ZDHHC18: variants seen among roughly 807,000 people sequenced by gnomAD.
ZDHHC18 encodes the protein zDHHC palmitoyltransferase 18, also known as palmitoyltransferase ZDHHC18.
A neutral mutation model predicts 37.5 loss-of-function variants in ZDHHC18; 23 were observed. That is an observed-to-expected ratio of 0.61 (90% CI 0.44 to 0.87). The LOEUF (loss-of-function observed/expected upper bound fraction) is 0.87. Ranked by LOEUF, ZDHHC18 falls within the 40% of genes least tolerant of loss-of-function variation. The pLI is 0.00. For synonymous variants in ZDHHC18, 185 were observed against 218.7 expected (o/e 0.85, Z 1.36); for missense variants, 406 against 525.6 (o/e 0.77, Z 2.22).
Position 26,856,330 on chromosome 1 carries a change from C to A in ZDHHC18, c.*2487C>A. Reference sequence around the variant, plus strand: ...CTCACACACCATCTCATCCTCATCGCATGCCTCGCCAACCCCATGGAGCCC... The same window carrying A: ...CTCACACACCATCTCATCCTCATCGAATGCCTCGCCAACCCCATGGAGCCC... On this transcript the variant is annotated 3_prime_UTR_variant, in exon 8 of 8. Transcript: ENST00000374142. The surrounding 1 kb of genome is among the most constrained non-coding windows in gnomAD (Gnocchi z 5.2). 2.5e-6 allele frequency: 1 copy of A among 396,244 alleles called. No homozygotes were observed. The allele number at this position is 396,244 out of a possible 1,614,324, so 24.5% of individuals were successfully genotyped here. A position where few individuals can be genotyped will look rare whatever the true frequency, so the allele number is the denominator to read the frequency against.
In ZDHHC18 at chr1:26,832,546, C is replaced by T. The variant is rs373758186; in HGVS notation, c.435C>T (p.Thr145=). Residue 145 remains threonine, a synonymous_variant, in exon 2 of 8, where the codon ACC becomes ACT. Coordinates refer to ENST00000374142, the MANE Select transcript of ZDHHC18 (RefSeq NM_032283.3). ...GCTGCCTGCTGCAGACAAGCTTCAC[C>T]GACCCTGGGATCCTGCCCCGGGCCA... ...VMSCLLQTSF[T]DPGILPRATV... 22 of 1,614,172 alleles carry T rather than the reference C, an allele frequency of 1.4e-5. No homozygotes were observed. The highest frequency in any genetic ancestry group is 6.6e-5 in the South Asian group (6 of 91,086).
Position 26,853,730 on chromosome 1 carries a change from A to T in ZDHHC18, c.1054A>T (p.Ile352Phe). The change falls in exon 8 of 8, where the codon ATT (isoleucine) becomes TTT (phenylalanine). Residue 352 changes from isoleucine to phenylalanine, a missense_variant. Ile to Phe is a conservative substitution (Grantham distance 21, BLOSUM62 0). Coordinates refer to ENST00000374142, the MANE Select transcript of ZDHHC18 (RefSeq NM_032283.3). ...GTCTCCCTTGTGTTTTGGAAGCCTA[A>T]TTGACCGGAGGGGATTTGTGCAGTC... ...VLCGPLPPSL[I>F]DRRGFVQSDT... 1 of 1,613,986 alleles carries T rather than the reference A, an allele frequency of 6.2e-7. No homozygotes were observed. The highest frequency in any genetic ancestry group is 8.5e-7 in the Non-Finnish European group (1 of 1,180,000).
rs947589519 is a variant in ZDHHC18, at chr1:26,827,239, G to C, written c.335+100G>C. The C allele has an allele frequency of 9.8e-6, 10 of 1,022,460 alleles. No homozygotes were observed. In the African/African-American group the frequency reaches 1.6e-4, roughly 16 times the overall value. 63.3% of individuals were successfully genotyped at this position (1,022,460 alleles called of 1,614,324 possible). On this transcript the variant is annotated intron_variant, in intron 1 of 7. Coordinates refer to ENST00000374142, the MANE Select transcript of ZDHHC18 (RefSeq NM_032283.3). Reference sequence around the variant, plus strand: ...TCCGTGCCTTCCCCTTCGCCTCCCTGGTCCTCATCCTCCCCGCCCCTTTGG... The same window carrying C: ...TCCGTGCCTTCCCCTTCGCCTCCCTCGTCCTCATCCTCCCCGCCCCTTTGG...
At position 26,850,524 on chromosome 1, in the gene ZDHHC18, C is replaced by A. The variant is rs752549119; in HGVS notation, c.785-34C>A. On this transcript the variant is annotated intron_variant, in intron 4 of 7. Coordinates refer to ENST00000374142, the MANE Select transcript of ZDHHC18 (RefSeq NM_032283.3). The surrounding 1 kb of genome is among the most constrained non-coding windows in gnomAD (Gnocchi z 6.1). Reference sequence around the variant, plus strand: ...GCAAGCTTCAGCAGTCACTGTCCCTCTGAGCTTGTCCTCTCCTGTTTCTTT... The same window carrying A: ...GCAAGCTTCAGCAGTCACTGTCCCTATGAGCTTGTCCTCTCCTGTTTCTTT... 17 of 1,614,092 alleles carry A rather than the reference C, an allele frequency of 1.1e-5. No individual in the cohort carries two copies. In the South Asian group the frequency reaches 1.8e-4, roughly 17 times the overall value.
At chr1:26,830,462 T>G (rs1462464819) in intron 1 of ZDHHC18, among the ~76,000 whole-genome samples, 1 of 151,574 alleles carries the variant, frequency 6.6e-6, no homozygotes, top group African/African-American at 2.4e-5. Flanking sequence ...ACCTGGCCCA[T>G]CCAGGTACAG....
Position 26,854,829 on chromosome 1 carries a change from ATGAG to A in ZDHHC18, c.*991_*994del, listed in dbSNP as rs1396367771. ...TATTCCAAGAGACCTTCTGGCTGGA[ATGAG>A]TGAGAGTGTGTGTGCATGTGTGTGT... On this transcript the variant is annotated 3_prime_UTR_variant, in exon 8 of 8. Coordinates refer to ENST00000374142, the MANE Select transcript of ZDHHC18 (RefSeq NM_032283.3). This position sits in a 1 kb window ranked among gnomAD's most constrained non-coding sequence, Gnocchi z 4.6. 1 of 152,460 alleles carries A rather than the reference ATGAG, an allele frequency of 6.6e-6. No individual in the cohort carries two copies. The highest frequency in any genetic ancestry group is 1.5e-5 in the Non-Finnish European group (1 of 68,170). The allele number at this position is 152,460 out of a possible 1,614,324, so 9.4% of individuals were successfully genotyped here. A position where few individuals can be genotyped will look rare whatever the true frequency, so the allele number is the denominator to read the frequency against.
Position 26,827,126 on chromosome 1 carries a change from T to C in ZDHHC18, c.322T>C (p.Phe108Leu). The C allele has an allele frequency of 1.4e-6, 2 of 1,411,146 alleles. No homozygotes were observed. Among genetic ancestry groups the C allele is most frequent in the Non-Finnish European group, 1.8e-6 (2 of 1,087,278 alleles). The allele number at this position is 1,411,146 out of a possible 1,614,324, so 87.4% of individuals were successfully genotyped here. A position where few individuals can be genotyped will look rare whatever the true frequency, so the allele number is the denominator to read the frequency against. The change falls in exon 1 of 8, where the codon TTC (phenylalanine) becomes CTC (leucine). Residue 108 changes from phenylalanine to leucine, a missense_variant. Physicochemically the swap from Phe to Leu is conservative, Grantham distance 22. Transcript: ENST00000374142. Reference protein sequence around the residue: ...LLLILTTTGLFFVFDCPYLAR... With the variant: ...LLLILTTTGLLFVFDCPYLAR... ...GCTCATCCTCACCACCACCGGCCTC[T>C]TCTTCGTCTTTGAGTGAGTTCCGCT...
chr1:26,841,763 G>A (rs540810000), intron 2 of ZDHHC18, among the ~76,000 whole-genome samples: 21 of 152,242 alleles, frequency 1.4e-4, no homozygotes, highest in African/African-American at 5.1e-4. Context: ...ACTGTGCTCA[G>A]GGCTGTGGAA....
Position 26,836,974 on chromosome 1 carries a change from C to T in ZDHHC18, c.496+4367C>T, listed in dbSNP as rs568229077. ...TAAATATATATTAAATGCAGCTGGGCGCAGTGGCTCATGCCTGTAATCCCA... is the reference window on the plus strand; with the variant it reads ...TAAATATATATTAAATGCAGCTGGGTGCAGTGGCTCATGCCTGTAATCCCA... On this transcript the variant is annotated intron_variant, in intron 2 of 7. Coordinates refer to ENST00000374142, the MANE Select transcript of ZDHHC18 (RefSeq NM_032283.3). Among the ~76,000 whole-genome samples the T allele has an allele frequency of 8.9e-4, 131 of 147,020 alleles. 1 individual carries two copies. In the Middle Eastern group the frequency reaches 0.011, roughly 12 times the overall value.
Position 26,856,102 on chromosome 1 carries a change from C to A in ZDHHC18, c.*2259C>A. On this transcript the variant is annotated 3_prime_UTR_variant, in exon 8 of 8. Transcript: ENST00000374142. This position sits in a 1 kb window ranked among gnomAD's most constrained non-coding sequence, Gnocchi z 5.2. ...ATTCCAGTTTGAGAGCCGGAGCTTC[C>A]CTGGCTACCACCTCCAACCTGGGCA... 2 of 415,472 alleles carry A rather than the reference C, an allele frequency of 4.8e-6. No homozygotes were observed. Among genetic ancestry groups the A allele is most frequent in the Non-Finnish European group, 1.0e-5 (2 of 195,194 alleles). The allele number at this position is 415,472 out of a possible 1,614,324, so 25.7% of individuals were successfully genotyped here. A position where few individuals can be genotyped will look rare whatever the true frequency, so the allele number is the denominator to read the frequency against.
intron 2 of ZDHHC18, among the ~76,000 whole-genome samples, chr1:26,846,981 C>T (rs572861463): frequency 1.5e-4 from 22 of 151,458 alleles, no homozygotes; most frequent in African/African-American, 4.8e-4. Context: ...CTGCAAGCTC[C>T]GCCTCCCGGG....
chr1:26,851,152 T>C lies in ZDHHC18; in HGVS notation c.857T>C (p.Phe286Ser), dbSNP rs781567756. 1.2e-6 allele frequency: 2 copies of C among 1,614,192 alleles called. No individual in the cohort carries two copies. The highest frequency in any genetic ancestry group is 1.7e-6 in the Non-Finnish European group (2 of 1,180,014). The change falls in exon 6 of 8, where the codon TTC (phenylalanine) becomes TCC (serine). Residue 286 changes from phenylalanine (F) to serine (S), a missense_variant. By Grantham distance (155) the Phe-to-Ser change is radical (BLOSUM62 -2). Transcript: ENST00000374142. ...ACCGTGCTGGAGTTGGTGATCTGCT[T>C]CTTCTCCATCTGGTCCATTCTGGGC... ...PASVLELVICFFSIWSILGLS... is the reference protein window; with the variant it reads ...PASVLELVICSFSIWSILGLS...
chr1:26,841,393 C>T (rs1005200057), intron 2 of ZDHHC18, among the ~76,000 whole-genome samples: 1 of 152,182 alleles, frequency 6.6e-6, no homozygotes, highest in African/African-American at 2.4e-5. Context: ...TTCAGCCTCC[C>T]AACGTGCTGG....
In ZDHHC18 at chr1:26,856,123, G is replaced by A. The variant is rs2081732779; in HGVS notation, c.*2280G>A. On this transcript the variant is annotated 3_prime_UTR_variant, in exon 8 of 8. Transcript: ENST00000374142. This position sits in a 1 kb window ranked among gnomAD's most constrained non-coding sequence, Gnocchi z 5.2. ...CTTCCCTGGCTACCACCTCCAACCT[G>A]GGCACCAGGGCCCAGCCAGACAACT... 2.3e-6 allele frequency: 1 copy of A among 428,424 alleles called. No individual in the cohort carries two copies. Among genetic ancestry groups the A allele is most frequent in the Admixed American group, 2.4e-5 (1 of 42,034 alleles). The allele number at this position is 428,424 out of a possible 1,614,324, so 26.5% of individuals were successfully genotyped here. A position where few individuals can be genotyped will look rare whatever the true frequency, so the allele number is the denominator to read the frequency against.
At chr1:26,839,358 TTTC>T (rs2081627471) in intron 2 of ZDHHC18, among the ~76,000 whole-genome samples, 1 of 152,368 alleles carries the variant, frequency 6.6e-6, no homozygotes, top group South Asian at 2.1e-4. Context: ...CACTCCCTTC[TTTC>T]TTCTTTTCTA....
Position 26,848,631 on chromosome 1 carries a change from C to T in ZDHHC18, c.520C>T (p.Arg174Trp), listed in dbSNP as rs765667318. 8 of 1,613,554 alleles carry T rather than the reference C, an allele frequency of 5.0e-6. No individual in the cohort carries two copies. The highest frequency in any genetic ancestry group is 1.7e-4 in the Middle Eastern group (1 of 6,056). Reference sequence around the variant, plus strand: ...AGACAACACAGGCAGTTCTACATACCGGCCACCCCCTCGGACCCGGGAGGT... The same window carrying T: ...AGACAACACAGGCAGTTCTACATACTGGCCACCCCCTCGGACCCGGGAGGT... ...QIDNTGSSTYRPPPRTREVLI... is the reference protein window; with the variant it reads ...QIDNTGSSTYWPPPRTREVLI... Residue 174 changes from arginine to tryptophan, a missense_variant, in exon 3 of 8, where the codon CGG (arginine) becomes TGG (tryptophan). Transcript: ENST00000374142.
Position 26,850,730 on chromosome 1 carries a change from A to C in ZDHHC18, c.833+124A>C. The C allele has an allele frequency of 8.6e-7, 1 of 1,159,410 alleles. No individual in the cohort carries two copies. Among genetic ancestry groups the C allele is most frequent in the Non-Finnish European group, 1.2e-6 (1 of 803,760 alleles). The allele number at this position is 1,159,410 out of a possible 1,614,324, so 71.8% of individuals were successfully genotyped here. On this transcript the variant is annotated intron_variant, in intron 5 of 7. Transcript: ENST00000374142. This position sits in a 1 kb window ranked among gnomAD's most constrained non-coding sequence, Gnocchi z 6.1. Reference sequence around the variant, plus strand: ...AGCTCACATGTGTCCTCCAGAATCCAACATGCCAGCTCTTCTGTTCACACC... The same window carrying C: ...AGCTCACATGTGTCCTCCAGAATCCCACATGCCAGCTCTTCTGTTCACACC...
intron 6 of ZDHHC18, among the ~76,000 whole-genome samples, chr1:26,852,490 T>C (rs1156897148): frequency 1.3e-5 from 2 of 152,194 alleles, no homozygotes; most frequent in Non-Finnish European, 2.9e-5. Flanking sequence ...CAGAAGTGGC[T>C]GGCCGGAGAA....
intron 2 of ZDHHC18, among the ~76,000 whole-genome samples, chr1:26,844,286 G>A (rs965431545): frequency 6.6e-6 from 1 of 152,100 alleles, no homozygotes; most frequent in Non-Finnish European, 1.5e-5. Flanking sequence ...TGATCTGCCC[G>A]CCTTGGCCTC....
Sources: allele counts gnomAD v4.1 joint callset (sites outside exome capture counted in the v4.1 genomes callset), GRCh38; gene constraint gnomAD v4.1.1; non-coding constraint Gnocchi (gnomAD v3.1); transcripts MANE v1.5; gene names NCBI Gene and HGNC (gene_info 2026-07-23, HGNC 2026-07-21).